CDC7: variants seen among roughly 807,000 people sequenced by gnomAD.
The protein encoded by CDC7 is cell division cycle 7-related protein kinase.
Under a neutral mutation model 53.5 loss-of-function variants are expected in CDC7, and 34 were observed. The ratio of observed to expected loss-of-function variants is 0.64; its 90% CI spans 0.48 to 0.85. The LOEUF is 0.85. Ranked by LOEUF, CDC7 falls within the 40% of genes least tolerant of loss-of-function variation. The pLI is 0.00. For missense variants in CDC7, 594 were observed against 679.7 expected (o/e 0.87, Z 1.40); for synonymous variants, 211 against 222.8 (o/e 0.95, Z 0.47).
At position 91,518,209 on chromosome 1, in the gene CDC7, AAAAG is replaced by A. The variant is rs539473464; in HGVS notation, c.1181-1919_1181-1916del. On this transcript the variant is annotated intron_variant, in intron 10 of 11. Transcript: ENST00000234626. ...GAGATGTCAACTTTAAGAAAAAAAA[AAAAG>A]AGCTTTTTAACATCAAGTTGAGCTA... is the stretch of plus-strand genomic sequence containing the variant. 1.2e-4 allele frequency among the ~76,000 whole-genome samples: 19 copies of A among 152,162 alleles called. No homozygotes were observed. In the South Asian group the frequency reaches 2.5e-3, roughly 20 times the overall value.
intron 11 of CDC7, among the ~76,000 whole-genome samples, chr1:91,523,737 A>G (rs1478646194): frequency 6.6e-6 from 1 of 152,186 alleles, no homozygotes; most frequent in Non-Finnish European, 1.5e-5. Context: ...GTTAAAGATT[A>G]TAGAAGGGTA....
At position 91,511,222 on chromosome 1, in the gene CDC7, A is replaced by T. The variant is rs13447501; in HGVS notation, c.336-375A>T. Among the ~76,000 whole-genome samples the T allele has an allele frequency of 7.8e-4, 119 of 152,280 alleles. 1 individual carries two copies. In the South Asian group the frequency reaches 0.012, roughly 15 times the overall value. On this transcript the variant is annotated intron_variant, in intron 4 of 11. Transcript: ENST00000234626. ...TGATTAAGAACATATATCTGGAGCAAAATGCCTGGGTTCAAATCCTGGCTC... is the reference window on the plus strand; with the variant it reads ...TGATTAAGAACATATATCTGGAGCATAATGCCTGGGTTCAAATCCTGGCTC...
intron 2 of CDC7, among the ~76,000 whole-genome samples, chr1:91,503,851 AAG>A (rs1666832833): frequency 6.6e-6 from 1 of 152,120 alleles, no homozygotes; most frequent in Non-Finnish European, 1.5e-5. Flanking sequence ...TGTTTTTGAA[AAG>A]AGAACCAGAA....
intron 2 of CDC7, among the ~76,000 whole-genome samples, chr1:91,504,640 C>T (rs777027637): frequency 6.6e-6 from 1 of 152,118 alleles, no homozygotes; most frequent in Non-Finnish European, 1.5e-5. Flanking sequence ...ACAGATCTAG[C>T]TTACGGCTAT....
chr1:91,514,134 A>T, intron 8 of CDC7, 91 bp downstream of exon 8: 1 of 790,484 alleles, frequency 1.3e-6, no homozygotes, highest in Non-Finnish European at 1.9e-6. Flanking sequence ...ATTATCAGAA[A>T]TTTTTTTAAA....
At chr1:91,509,556 C>T (rs967623913) in intron 4 of CDC7, among the ~76,000 whole-genome samples, 2 of 152,106 alleles carry the variant, frequency 1.3e-5, no homozygotes. Flanking sequence ...GAAGTTCATC[C>T]ATGTCTTTCT....
In CDC7 at chr1:91,524,148, C is replaced by A. The variant is rs1228772332; in HGVS notation, c.1438C>A (p.Gln480Lys). 6.2e-7 allele frequency: 1 copy of A among 1,613,986 alleles called. No individual in the cohort carries two copies. The highest frequency in any genetic ancestry group is 1.7e-5 in the Admixed American group (1 of 60,010). The part of the protein sequence containing the change: ...SSTPKLTSDI[Q>K]GHASHQPAIS... ...CACTCCCAAGTTAACAAGTGATATA[C>A]AAGGGCATGCTTCTCATCAACCAGC... is the stretch of plus-strand genomic sequence containing the variant. Residue 480 changes from glutamine (Q) to lysine (K), a missense_variant, in exon 12 of 12, where the codon CAA becomes AAA. Coordinates refer to ENST00000234626, the MANE Select transcript of CDC7 (RefSeq NM_003503.4).
intron 11 of CDC7, among the ~76,000 whole-genome samples, chr1:91,521,145 C>T (rs1242837558): frequency 1.3e-5 from 2 of 152,198 alleles, no homozygotes; most frequent in African/African-American, 4.8e-5. Context: ...TTGTGCTCAA[C>T]CCCAGGATCA....
chr1:91,519,414 G>C (rs548866093), intron 10 of CDC7, among the ~76,000 whole-genome samples: 12 of 152,178 alleles, frequency 7.9e-5, no homozygotes, highest in African/African-American at 2.9e-4. Context: ...GGGCCACAGA[G>C]GGAGACCTTG....
At chr1:91,502,854 GA>G (rs1421512610) in intron 2 of CDC7, among the ~76,000 whole-genome samples, 1 of 152,084 alleles carries the variant, frequency 6.6e-6, no homozygotes, top group African/African-American at 2.4e-5. Context: ...GTTGGTGCTA[GA>G]ATAATCTTAA....
chr1:91,509,033 T>C (rs945967007), intron 4 of CDC7, among the ~76,000 whole-genome samples: 6 of 152,330 alleles, frequency 3.9e-5, no homozygotes, highest in African/African-American at 1.4e-4. Flanking sequence ...TTTAACACAA[T>C]TGACGTGAAC....
At chr1:91,508,680 C>T (rs557261418) in intron 4 of CDC7, among the ~76,000 whole-genome samples, 25 of 152,190 alleles carry the variant, frequency 1.6e-4, no homozygotes, top group African/African-American at 5.5e-4. Flanking sequence ...TCATGGTTTA[C>T]ATTATTTTGT....
In CDC7 at chr1:91,508,319, A is replaced by T; in HGVS notation, c.257A>T (p.Lys86Ile). 2 of 1,612,470 alleles carry T rather than the reference A, an allele frequency of 1.2e-6. No individual in the cohort carries two copies. Among genetic ancestry groups the T allele is most frequent in the Non-Finnish European group, 1.7e-6 (2 of 1,178,942 alleles). The change falls in exon 4 of 12, where the codon AAA (lysine) becomes ATA (isoleucine). Residue 86 changes from lysine (K) to isoleucine (I), a missense_variant. Coordinates refer to ENST00000234626, the MANE Select transcript of CDC7 (RefSeq NM_003503.4). ...CAGTTACAAGTAGGACCTGAAGAGA[A>T]AATTGCTCTAAAACACTTGATTCCA... ...TAQLQVGPEE[K>I]IALKHLIPTS...
At position 91,524,971 on chromosome 1, in the gene CDC7, A is replaced by C. The variant is rs935315162; in HGVS notation, c.*536A>C. 6.6e-6 allele frequency: 1 copy of C among 152,166 alleles called. No homozygotes were observed. Among genetic ancestry groups the C allele is most frequent in the African/African-American group, 2.4e-5 (1 of 41,440 alleles). 9.4% of individuals were successfully genotyped at this position (152,166 alleles called of 1,614,324 possible). On this transcript the variant is annotated 3_prime_UTR_variant, in exon 12 of 12. Transcript: ENST00000234626. The stretch of plus-strand genomic sequence containing the variant: ...AATGAGGAAATGTTGGTCATGGGGC[A>C]AAGTATCACTTAAAATTGAATTCAT...
intron 10 of CDC7, among the ~76,000 whole-genome samples, chr1:91,519,630 A>C (rs1267401741): frequency 6.6e-6 from 1 of 152,164 alleles, no homozygotes; most frequent in Non-Finnish European, 1.5e-5. Context: ...AAAAATAAAA[A>C]AGTAATTTTT....
chr1:91,510,051 C>CA (rs1667196934), intron 4 of CDC7, among the ~76,000 whole-genome samples: 2 of 152,022 alleles, frequency 1.3e-5, no homozygotes, highest in South Asian at 4.1e-4. Flanking sequence ...CCCATCTTTA[C>CA]AAAAAACTTA....
chr1:91,514,448 G>A (rs903735375), intron 8 of CDC7, among the ~76,000 whole-genome samples: 1 of 152,164 alleles, frequency 6.6e-6, no homozygotes, highest in East Asian at 1.9e-4. Flanking sequence ...GTGACAGCTA[G>A]ACAGCATGAG....
intron 2 of CDC7, among the ~76,000 whole-genome samples, chr1:91,507,594 CAATGTAT>C (rs13447488): frequency 0.034 from 5,235 of 152,094 alleles, 317 homozygotes; most frequent in East Asian, 0.17. Context: ...TCTACAGTAA[CAATGTAT>C]CTCTTAGTAT....
chr1:91,520,668 A>G (rs1365372497), intron 11 of CDC7, among the ~76,000 whole-genome samples: 1 of 152,158 alleles, frequency 6.6e-6, no homozygotes, highest in Non-Finnish European at 1.5e-5. Context: ...CAGATGCACT[A>G]TGTCTTGGTA....
Sources: allele counts gnomAD v4.1 joint callset (sites outside exome capture counted in the v4.1 genomes callset), GRCh38; gene constraint gnomAD v4.1.1; transcripts MANE v1.5; gene names NCBI Gene and HGNC (gene_info 2026-07-23, HGNC 2026-07-21).